ZNF221: variants seen among roughly 807,000 people sequenced by gnomAD.
The protein encoded by ZNF221 is zinc finger protein 221.
In ZNF221, 10 loss-of-function variants were observed where a neutral mutation model predicts 12.6. The observed-to-expected ratio is 0.79, with a 90% CI of 0.49 to 1.34. ZNF221 has a LOEUF of 1.34. ZNF221 is among the 40% of genes most tolerant of loss of function. The probability of loss-of-function intolerance (pLI) is 0.00; values close to 1 mark genes in which losing one functional copy is unlikely to be tolerated. For synonymous variants in ZNF221, 232 were observed against 244.0 expected (o/e 0.95, Z 0.46); for missense variants, 661 against 721.4 (o/e 0.92, Z 0.96).
At chr19:43,953,749 C>T (rs773742070) in intron 1 of ZNF221, among the ~76,000 whole-genome samples, 1 of 152,144 alleles carries the variant, frequency 6.6e-6, no homozygotes, top group Non-Finnish European at 1.5e-5. Flanking sequence ...TATCACCGTA[C>T]ATACCCATCT....
chr19:43,968,479 A>G (rs1975024737), downstream of ZNF221, among the ~76,000 whole-genome samples: 1 of 152,214 alleles, frequency 6.6e-6, no homozygotes, highest in Non-Finnish European at 1.5e-5. Flanking sequence ...ATGTAGAAAG[A>G]GCTTTGGCTG....
chr19:43,963,297 T>G (rs1599817280), intron 2 of ZNF221, among the ~76,000 whole-genome samples: 1 of 152,348 alleles, frequency 6.6e-6, no homozygotes, highest in East Asian at 1.9e-4. Context: ...AACACTGCTG[T>G]GACAGCTTTC....
the ZNF221 span, among the ~76,000 whole-genome samples, chr19:43,973,489 A>G: frequency 1.3e-5 from 2 of 152,192 alleles, no homozygotes; most frequent in Non-Finnish European, 1.5e-5. Context: ...ACATGATCCT[A>G]TATCTAGAAA....
At chr19:43,958,744 G>A (rs920950370) in intron 1 of ZNF221, among the ~76,000 whole-genome samples, 14 of 152,186 alleles carry the variant, frequency 9.2e-5, no homozygotes, top group African/African-American at 3.1e-4. Flanking sequence ...CATAGTTATA[G>A]CAATTCGATA....
At chr19:43,969,839 G>T (rs1008211772), downstream of ZNF221, among the ~76,000 whole-genome samples, 5 of 152,218 alleles carry the variant, frequency 3.3e-5, no homozygotes, top group African/African-American at 9.6e-5. Context: ...CAGCCTGCTG[G>T]CTTTGGAGAG....
At chr19:43,980,887 G>T in the ZNF221 span, among the ~76,000 whole-genome samples, 1 of 151,964 alleles carries the variant, frequency 6.6e-6, no homozygotes, top group Non-Finnish European at 1.5e-5. Flanking sequence ...TGCTATGTAA[G>T]TTTCTCTGCC....
chr19:43,956,023 T>C (rs1974748688), intron 1 of ZNF221, among the ~76,000 whole-genome samples: 2 of 152,192 alleles, frequency 1.3e-5, no homozygotes, highest in African/African-American at 2.4e-5. Flanking sequence ...CTTTCAGTCA[T>C]AGGGCTAGCC....
the ZNF221 span, among the ~76,000 whole-genome samples, chr19:43,975,603 G>A: frequency 1.3e-5 from 2 of 152,138 alleles, no homozygotes; most frequent in Non-Finnish European, 2.9e-5. Context: ...ATACCTAGGT[G>A]ATAGATTGAT....
chr19:43,973,913 T>C, the ZNF221 span, among the ~76,000 whole-genome samples: 117,892 of 152,148 alleles, frequency 0.77, 46,756 homozygotes, highest in Middle Eastern at 0.89. Context: ...TAAAATTCAT[T>C]TGGAACCAAA....
rs755842898 is a variant in ZNF221 at position 43,966,020 on chromosome 19, A to C, written c.518A>C (p.Asn173Thr). ...SHVQQKPYRCNECKQSFSDVS... is the reference protein window; with the variant it reads ...SHVQQKPYRCTECKQSFSDVS... ...GTGCAACAGAAACCTTACCGTTGTA[A>C]TGAATGTAAACAGTCCTTCAGTGAT... Residue 173 changes from asparagine to threonine, a missense_variant, in exon 5 of 5, where the codon AAT (asparagine) becomes ACT (threonine). Asn to Thr is a moderately conservative substitution (Grantham distance 65). Coordinates refer to ENST00000587682, the MANE Select transcript of ZNF221 (RefSeq NM_001297588.2). The C allele has an allele frequency of 1.2e-6, 2 of 1,614,234 alleles. No homozygotes were observed. Among genetic ancestry groups the C allele is most frequent in the Admixed American group, 3.3e-5 (2 of 60,038 alleles).
rs979018158 is a variant in ZNF221, at chr19:43,966,847, C to T, written c.1345C>T (p.Pro449Ser). ...SHQRSHNGEK[P>S]YNCEECGKDY... ...TCAGAGATCCCACAATGGAGAAAAG[C>T]CATATAACTGTGAGGAGTGTGGTAA... The change falls in exon 5 of 5, where the codon CCA (proline) becomes TCA (serine). Residue 449 changes from proline (P) to serine (S), a missense_variant. Physicochemically the swap from Pro to Ser is moderately conservative, Grantham distance 74. Transcript: ENST00000587682. The T allele has an allele frequency of 6.2e-6, 10 of 1,614,130 alleles. No homozygotes were observed. The Admixed American group carries it at 1.3e-4, about 22-fold the overall frequency.
Position 43,966,724 on chromosome 19 carries a change from T to A in ZNF221, c.1222T>A (p.Cys408Ser). The A allele has an allele frequency of 6.2e-7, 1 of 1,614,236 alleles. No homozygotes were observed. The highest frequency in any genetic ancestry group is 8.5e-7 in the Non-Finnish European group (1 of 1,180,046). Residue 408 changes from cysteine (C) to serine (S), a missense_variant, in exon 5 of 5, where the codon TGT becomes AGT. By Grantham distance (112) the Cys-to-Ser change is moderately radical (BLOSUM62 -1). Transcript: ENST00000587682. ...TGGGAAGACCTTCAGATGGTCCTCA[T>A]GTCTTTTGAACCATCAGCAAGTCCA... ...ECGKTFRWSS[C>S]LLNHQQVHSG...
chr19:43,961,044 G>A (rs562367190), intron 1 of ZNF221, among the ~76,000 whole-genome samples: 11 of 152,178 alleles, frequency 7.2e-5, no homozygotes, highest in Non-Finnish European at 1.6e-4. Context: ...TCACTTGGCT[G>A]CCCAAGGCCT....
rs1974983744 is a variant in ZNF221 at position 43,967,040 on chromosome 19, A to G, written c.1538A>G (p.Lys513Arg). The stretch of plus-strand genomic sequence containing the variant: ...CCTTTCAAATGTGAAGAGTGTGGAA[A>G]GAGATTTACTCAGAGTTCACAACTT... ...EKPFKCEECG[K>R]RFTQSSQLHS... Residue 513 changes from lysine to arginine, a missense_variant, in exon 5 of 5, where the codon AAG (lysine) becomes AGG (arginine). Physicochemically the swap from Lys to Arg is conservative, Grantham distance 26. Transcript: ENST00000587682. 3 of 1,597,648 alleles carry G rather than the reference A, an allele frequency of 1.9e-6. No individual in the cohort carries two copies. In the African/African-American group the frequency reaches 4.0e-5, roughly 21 times the overall value.
downstream of ZNF221, among the ~76,000 whole-genome samples, chr19:43,971,531 C>CGTGT (rs528310017): frequency 3.0e-3 from 458 of 151,930 alleles, 4 homozygotes; most frequent in African/African-American, 8.2e-3. Context: ...TGCAAAGACA[C>CGTGT]ACATAGGCTC....
intron 3 of ZNF221, 56 bp downstream of exon 3, chr19:43,965,132 T>G (rs1309411585): frequency 1.1e-5 from 18 of 1,605,332 alleles, no homozygotes; most frequent in Non-Finnish European, 1.4e-5. Flanking sequence ...GGCTTTGTAT[T>G]CCAAGTTTGA....
At chr19:43,974,714 A>G in the ZNF221 span, among the ~76,000 whole-genome samples, 3 of 81,208 alleles carry the variant, frequency 3.7e-5, no homozygotes, top group African/African-American at 1.0e-4. Context: ...CACAATGGCA[A>G]TTATAAAAAA....
chr19:43,976,410 G>A, the ZNF221 span, among the ~76,000 whole-genome samples: 2 of 151,964 alleles, frequency 1.3e-5, no homozygotes, highest in African/African-American at 4.8e-5. Flanking sequence ...GGTGGTGTGT[G>A]CCTGTAATCC....
rs189839995 is a variant in ZNF221, at chr19:43,953,181, C to T, written c.-3+1781C>T. Among the ~76,000 whole-genome samples, 92 of 151,844 alleles carry T rather than the reference C, an allele frequency of 6.1e-4. 1 individual carries two copies. Among genetic ancestry groups the T allele is most frequent in the Middle Eastern group, 6.8e-3 (2 of 294 alleles). On this transcript the variant is annotated intron_variant, in intron 1 of 4. Coordinates refer to ENST00000587682, the MANE Select transcript of ZNF221 (RefSeq NM_001297588.2). ...GGCCAGGCTAGTCTCGAACTCCTGA[C>T]CTTAGGTGATCTGCCCACCTCAGCC...
Sources: gnomAD v4.1 joint callset for allele counts (sites outside exome capture counted in the v4.1 genomes callset) on GRCh38, gnomAD v4.1.1 for gene constraint, MANE v1.5 for transcripts, NCBI Gene and HGNC (gene_info 2026-07-23, HGNC 2026-07-21) for gene names.